Variants in MYO5B observed in about 807,000 individuals in gnomAD.
The protein encoded by MYO5B is unconventional myosin-Vb.
Under a neutral mutation model 229.3 loss-of-function variants are expected in MYO5B, and 143 were observed. The observed-to-expected ratio is 0.62, with a 90% CI of 0.54 to 0.72. The LOEUF (loss-of-function observed/expected upper bound fraction) is 0.72. MYO5B is among the 30% of genes least tolerant of loss of function. The pLI, the probability that MYO5B is intolerant of heterozygous loss-of-function variation, is 0.00. For synonymous variants in MYO5B, 918 were observed against 885.2 expected (o/e 1.04, Z -0.66); for missense variants, 2,321 against 2,331.0 (o/e 1.00, Z 0.09).
chr18:50,139,233 G>GCAC (rs1261414045), intron 1 of MYO5B, among the ~76,000 whole-genome samples: 1 of 152,102 alleles, frequency 6.6e-6, no homozygotes, highest in Non-Finnish European at 1.5e-5. Context: ...GCCCTGCAGG[G>GCAC]GTGCGGCCAG....
At chr18:49,949,547 G>C (rs7231881) in intron 14 of MYO5B, among the ~76,000 whole-genome samples, 3,532 of 152,236 alleles carry the variant, frequency 0.023, 142 homozygotes, top group African/African-American at 0.079. Flanking sequence ...TTCACTGCTC[G>C]TAGTGGGAGT....
chr18:49,942,052 T>A (rs1279225550), intron 14 of MYO5B, among the ~76,000 whole-genome samples: 4 of 124,860 alleles, frequency 3.2e-5, no homozygotes, highest in Non-Finnish European at 6.9e-5. Context: ...AACCATCTGA[T>A]CTTTGACAAA....
intron 27 of MYO5B, among the ~76,000 whole-genome samples, chr18:49,867,795 C>G (rs2024413680): frequency 1.3e-5 from 2 of 152,260 alleles, no homozygotes; most frequent in Admixed American, 1.3e-4. Flanking sequence ...TAAAACTGAT[C>G]CGTGTTCCAT....
At chr18:50,007,048 T>C (rs1006411365) in intron 4 of MYO5B, among the ~76,000 whole-genome samples, 1 of 152,128 alleles carries the variant, frequency 6.6e-6, no homozygotes, top group Non-Finnish European at 1.5e-5. Context: ...AGGCCAAGTG[T>C]CCCGCTGCAG....
chr18:50,085,712 A>G (rs1374397211), intron 1 of MYO5B, among the ~76,000 whole-genome samples: 4 of 152,202 alleles, frequency 2.6e-5, no homozygotes, highest in African/African-American at 4.8e-5. Flanking sequence ...TGGCACATAT[A>G]CACCATGGAA....
chr18:49,992,244 T>A, intron 6 of MYO5B, 44 bp downstream of exon 6: 1 of 1,613,778 alleles, frequency 6.2e-7, no homozygotes, highest in South Asian at 1.1e-5. Flanking sequence ...GTAAGGTAAT[T>A]GTCCATGAGA....
chr18:50,188,622 A>G (rs1330321419), intron 1 of MYO5B, among the ~76,000 whole-genome samples: 1 of 152,054 alleles, frequency 6.6e-6, no homozygotes, highest in Non-Finnish European at 1.5e-5. Context: ...CCCCGTCTCT[A>G]CTAAAAATAC....
chr18:49,975,785 C>G (rs1405063671), intron 9 of MYO5B, among the ~76,000 whole-genome samples: 1 of 152,154 alleles, frequency 6.6e-6, no homozygotes, highest in African/African-American at 2.4e-5. Flanking sequence ...AGGCCCCCGC[C>G]CCACCCCCAG....
At chr18:50,139,149 TTC>T (rs2032380076) in intron 1 of MYO5B, among the ~76,000 whole-genome samples, 1 of 152,244 alleles carries the variant, frequency 6.6e-6, no homozygotes, top group Admixed American at 6.5e-5. Flanking sequence ...GAAATGCCTG[TTC>T]TCAAAATCTG....
chr18:50,088,376 T>C (rs1186419061), intron 1 of MYO5B, among the ~76,000 whole-genome samples: 1 of 152,092 alleles, frequency 6.6e-6, no homozygotes, highest in Non-Finnish European at 1.5e-5. Flanking sequence ...ACAGGAAAAA[T>C]AGGTGATGTG....
At chr18:50,162,527 G>A (rs1427533302) in intron 1 of MYO5B, among the ~76,000 whole-genome samples, 1 of 152,180 alleles carries the variant, frequency 6.6e-6, no homozygotes, top group African/African-American at 2.4e-5. Context: ...TGCCAACGAT[G>A]CTTGGTCACA....
intron 1 of MYO5B, among the ~76,000 whole-genome samples, chr18:50,105,744 C>T (rs72917883): frequency 0.22 from 33,464 of 151,826 alleles, 4,584 homozygotes; most frequent in African/African-American, 0.39. Context: ...TGCTCTAGAA[C>T]ATCAAAGCAC....
At chr18:49,900,505 G>A (rs1178590647) in intron 21 of MYO5B, among the ~76,000 whole-genome samples, 1 of 152,206 alleles carries the variant, frequency 6.6e-6, no homozygotes, top group Admixed American at 6.5e-5. Context: ...CTTGTCTTTT[G>A]CAAGAGCACG....
chr18:50,172,252 G>A (rs1214187341), intron 1 of MYO5B, among the ~76,000 whole-genome samples: 1 of 138,216 alleles, frequency 7.2e-6, no homozygotes, highest in Non-Finnish European at 1.5e-5. Flanking sequence ...TTGCACTCCA[G>A]CCTAGGTGAT....
chr18:49,842,573 G>T (rs1464555232), intron 34 of MYO5B, among the ~76,000 whole-genome samples: 2 of 152,226 alleles, frequency 1.3e-5, no homozygotes, highest in Non-Finnish European at 2.9e-5. Flanking sequence ...CTCACTGAGG[G>T]TTCATCTCCC....
At chr18:49,932,871 T>A (rs1790785) in intron 16 of MYO5B, among the ~76,000 whole-genome samples, 80,269 of 151,564 alleles carry the variant, frequency 0.53, 21,595 homozygotes, top group Middle Eastern at 0.71. Flanking sequence ...GCCTCACTGC[T>A]TTCACTATTA....
intron 17 of MYO5B, among the ~76,000 whole-genome samples, chr18:49,926,155 A>C (rs2144188518): frequency 6.6e-6 from 1 of 152,360 alleles, no homozygotes; most frequent in African/African-American, 2.4e-5. Flanking sequence ...CATCCTGAAC[A>C]ATGCTGGGAC....
chr18:49,953,055 C>T (rs967476271), intron 14 of MYO5B, among the ~76,000 whole-genome samples: 2 of 152,136 alleles, frequency 1.3e-5, no homozygotes, highest in African/African-American at 4.8e-5. Flanking sequence ...TCAGGCCATA[C>T]TAAAGTGTTT....
Position 49,886,955 on chromosome 18 carries a change from C to T in MYO5B, c.3046-6500G>A, listed in dbSNP as rs1182139766. 5.3e-5 allele frequency among the ~76,000 whole-genome samples: 8 copies of T among 152,114 alleles called. No homozygotes were observed. In the South Asian group the frequency reaches 1.2e-3, roughly 24 times the overall value. On this transcript the variant is annotated intron_variant, in intron 22 of 39. Coordinates refer to ENST00000285039, the MANE Select transcript of MYO5B (RefSeq NM_001080467.3). ...CTCATGGTAGTTGATATGGTTTGGA[C>T]GTTCATTTCCTCCAAATCTCGTGTT... is the stretch of plus-strand genomic sequence containing the variant.
Sources: allele counts gnomAD v4.1 joint callset (sites outside exome capture counted in the v4.1 genomes callset), GRCh38; gene constraint gnomAD v4.1.1; transcripts MANE v1.5; gene names NCBI Gene and HGNC (gene_info 2026-07-23, HGNC 2026-07-21).